Variants in ANKRD28 observed in about 807,000 individuals in gnomAD.
ANKRD28 encodes the protein serine/threonine-protein phosphatase 6 regulatory ankyrin repeat subunit A.
In ANKRD28, 44 loss-of-function variants were observed where a neutral mutation model predicts 126.5. The ratio of observed to expected loss-of-function variants is 0.35; its 90% CI spans 0.27 to 0.45. ANKRD28 has a LOEUF of 0.45. ANKRD28 is among the 20% of genes least tolerant of loss of function. The pLI is 1.00. For synonymous variants in ANKRD28, 442 were observed against 468.5 expected, an observed-to-expected ratio of 0.94 and a Z score of 0.73; for missense variants, 1,110 against 1,316.6, an observed-to-expected ratio of 0.84 and a Z score of 2.43.
chr3:15,682,785 G>A (rs2067677454), intron 21 of ANKRD28, among the ~76,000 whole-genome samples: 1 of 152,042 alleles, frequency 6.6e-6, no homozygotes, highest in Admixed American at 6.5e-5. Flanking sequence ...ATTATAAAAC[G>A]GGCTTTTGGC....
chr3:15,705,677 A>G (rs2071255523), intron 14 of ANKRD28, among the ~76,000 whole-genome samples: 1 of 152,212 alleles, frequency 6.6e-6, no homozygotes, highest in Non-Finnish European at 1.5e-5. Flanking sequence ...ATATTCTTGC[A>G]AATAAAATAC....
At chr3:15,771,597 C>T (rs1418125416) in intron 2 of ANKRD28, among the ~76,000 whole-genome samples, 2 of 152,042 alleles carry the variant, frequency 1.3e-5, no homozygotes, top group Non-Finnish European at 2.9e-5. Context: ...AGAGCTAGAA[C>T]TCACTCACAT....
intron 12 of ANKRD28, 95 bp downstream of exon 12, chr3:15,711,116 G>T: frequency 2.2e-5 from 23 of 1,031,474 alleles, no homozygotes; most frequent in South Asian, 7.5e-5. Context: ...TCTATTTTCT[G>T]GCAGCCCAGA....
intron 6 of ANKRD28, among the ~76,000 whole-genome samples, chr3:15,729,677 T>G (rs1352201213): frequency 2.0e-5 from 3 of 152,120 alleles, no homozygotes; most frequent in African/African-American, 4.8e-5. Flanking sequence ...AAATGAGGCT[T>G]TCAAACAGAG....
At chr3:15,773,311 A>C (rs2125621160) in intron 2 of ANKRD28, among the ~76,000 whole-genome samples, 1 of 152,316 alleles carries the variant, frequency 6.6e-6, no homozygotes, top group African/African-American at 2.4e-5. Context: ...TAAATGCTTA[A>C]GCATAAATCT....
intron 6 of ANKRD28, among the ~76,000 whole-genome samples, chr3:15,728,245 T>A (rs1274483298): frequency 1.3e-5 from 2 of 152,248 alleles, no homozygotes; most frequent in Non-Finnish European, 2.9e-5. Flanking sequence ...TTTAGATGTA[T>A]TGCTATTGCA....
Position 15,704,204 on chromosome 3 carries a change from A to G in ANKRD28, c.1547+3720T>C, listed in dbSNP as rs73817069. ...GTTTGCTGGATTCTTACATGATGTA[A>G]AATAAAGACACTTCAGAGGACTTGC... On this transcript the variant is annotated intron_variant, in intron 14 of 27. Coordinates refer to ENST00000683139, the MANE Select transcript of ANKRD28 (RefSeq NM_001349278.2). Among the ~76,000 whole-genome samples, 804 of 152,220 alleles carry G rather than the reference A, an allele frequency of 5.3e-3. 6 individuals carry two copies. Among genetic ancestry groups the G allele is most frequent in the African/African-American group, 0.019 (780 of 41,528 alleles).
At chr3:15,751,846 T>A (rs1195639840) in intron 3 of ANKRD28, 26 bp from the exon 4 acceptor site, 2 of 1,429,440 alleles carry the variant, frequency 1.4e-6, no homozygotes. Flanking sequence ...AAAAATAAAT[T>A]GAAATATTGT....
intron 1 of ANKRD28, among the ~76,000 whole-genome samples, chr3:15,822,830 G>A (rs1276677796): frequency 6.6e-6 from 1 of 152,116 alleles, no homozygotes; most frequent in Non-Finnish European, 1.5e-5. Context: ...ATAGAAAATA[G>A]CTAGTTCTTT....
At chr3:15,736,953 A>G (rs762346768) in intron 5 of ANKRD28, 80 bp downstream of exon 5, 20 of 1,416,336 alleles carry the variant, frequency 1.4e-5, no homozygotes, top group Non-Finnish European at 2.0e-5. Flanking sequence ...TGCCTTTACT[A>G]TGCAAAAATG....
intron 14 of ANKRD28, among the ~76,000 whole-genome samples, chr3:15,707,402 A>C (rs960498161): frequency 1.7e-4 from 26 of 152,156 alleles, no homozygotes; most frequent in African/African-American, 6.3e-4. Context: ...TCTGCCATCT[A>C]ATTTACCTAT....
chr3:15,737,380 G>A (rs1169158559), intron 4 of ANKRD28, 147 bp from the exon 5 acceptor site: 2 of 693,150 alleles, frequency 2.9e-6, no homozygotes, highest in South Asian at 2.2e-5. Context: ...TAAACAAGTA[G>A]GAATTTACCC....
At position 15,668,886 on chromosome 3, in the gene ANKRD28, A is replaced by G. The variant is rs2066124076; in HGVS notation, c.*1384T>C. On this transcript the variant is annotated 3_prime_UTR_variant, in exon 28 of 28. Transcript: ENST00000683139. ...TGAAATTGGGTATCATTTTGTTGCA[A>G]TTTATAGAACTTTACCCATACCTGT... The G allele has an allele frequency of 6.5e-6, 1 of 152,782 alleles. No homozygotes were observed. Among genetic ancestry groups the G allele is most frequent in the East Asian group, 1.9e-4 (1 of 5,188 alleles). 9.5% of individuals were successfully genotyped at this position (152,782 alleles called of 1,614,324 possible).
Position 15,711,262 on chromosome 3 carries a change from T to C in ANKRD28, c.1286A>G (p.Asp429Gly). The C allele has an allele frequency of 1.4e-5, 23 of 1,611,762 alleles. No individual in the cohort carries two copies. The highest frequency in any genetic ancestry group is 2.0e-5 in the Non-Finnish European group (23 of 1,178,266). Reference sequence around the variant, plus strand: ...AGTCCTGCCAAAATCATCTGGGGTATCTATATCAAATCCTACAAGAATGAA... The same window carrying C: ...AGTCCTGCCAAAATCATCTGGGGTACCTATATCAAATCCTACAAGAATGAA... ...RKLLSSGFDI[D>G]TPDDFGRTCL... is the part of the protein sequence containing the mutation. Residue 429 changes from aspartate to glycine, a missense_variant, in exon 12 of 28, where the codon GAT becomes GGT. Physicochemically the swap from Asp to Gly is moderately conservative, Grantham distance 94 (BLOSUM62 -1). Transcript: ENST00000683139.
rs201201313 is a variant in ANKRD28, at chr3:15,796,644, T to G, written c.-123A>C. On this transcript the variant is annotated 5_prime_UTR_variant, in exon 1 of 28. Coordinates refer to ENST00000683139, the MANE Select transcript of ANKRD28 (RefSeq NM_001349278.2). Reference sequence around the variant, plus strand: ...ACATTCTCTGAACAGCACAGCTGGGTTTTTTTTTTTTTTAAAGTTAATAAG... The same window carrying G: ...ACATTCTCTGAACAGCACAGCTGGGGTTTTTTTTTTTTTAAAGTTAATAAG... 9.2e-6 allele frequency: 5 copies of G among 544,396 alleles called. No homozygotes were observed. The South Asian group carries it at 3.8e-4, about 42-fold the overall frequency. 33.7% of individuals were successfully genotyped at this position (544,396 alleles called of 1,614,324 possible). A position where few individuals can be genotyped will look rare whatever the true frequency, so the allele number is the denominator to read the frequency against.
At position 15,677,067 on chromosome 3, in the gene ANKRD28, G is replaced by C; in HGVS notation, c.2791-11C>G. On this transcript the variant is annotated splice_polypyrimidine_tract_variant and intron_variant, in intron 25 of 27. Transcript: ENST00000683139. ...ACTAGTTTCATGACCCTATAATTGTGGCAGATAAGTTATAAAAACTTGAGC... is the reference window on the plus strand; with the variant it reads ...ACTAGTTTCATGACCCTATAATTGTCGCAGATAAGTTATAAAAACTTGAGC... The C allele has an allele frequency of 6.2e-7, 1 of 1,608,496 alleles. No homozygotes were observed. The highest frequency in any genetic ancestry group is 8.5e-7 in the Non-Finnish European group (1 of 1,175,804).
intron 2 of ANKRD28, among the ~76,000 whole-genome samples, chr3:15,793,808 G>A (rs1421846463): frequency 6.6e-6 from 1 of 152,216 alleles, no homozygotes; most frequent in African/African-American, 2.4e-5. Flanking sequence ...CCTCACGCCT[G>A]TAATCCCAGC....
chr3:15,822,270 G>C (rs1247502712), intron 1 of ANKRD28, among the ~76,000 whole-genome samples: 2 of 152,182 alleles, frequency 1.3e-5, no homozygotes, highest in African/African-American at 4.8e-5. Context: ...AAATCTAGGA[G>C]AGTTTGTTTT....
chr3:15,787,838 C>T (rs1312063180), intron 2 of ANKRD28, among the ~76,000 whole-genome samples: 1 of 152,148 alleles, frequency 6.6e-6, no homozygotes, highest in African/African-American at 2.4e-5. Flanking sequence ...AAATGAACAT[C>T]ATTTCAATGA....
Sources: allele counts gnomAD v4.1 joint callset (sites outside exome capture counted in the v4.1 genomes callset), GRCh38; gene constraint gnomAD v4.1.1; transcripts MANE v1.5; gene names NCBI Gene and HGNC (gene_info 2026-07-23, HGNC 2026-07-21).